Variants in KAT7 observed in about 807,000 individuals in gnomAD.
The protein encoded by KAT7 is histone acetyltransferase KAT7.
KAT7 carries 10 observed loss-of-function variants against 82.1 expected under a neutral mutation model. The observed-to-expected ratio is 0.12, with a 90% CI of 0.08 to 0.21. The LOEUF (loss-of-function observed/expected upper bound fraction) is 0.21, where lower values mean the gene tolerates loss of function less well. Among genes scored for constraint, KAT7 ranks in the 10% least tolerant of loss-of-function variants. The pLI is 1.00. For missense variants in KAT7, 378 were observed against 760.9 expected, an observed-to-expected ratio of 0.50 and a Z score of 5.92; for synonymous variants, 250 against 262.5, an observed-to-expected ratio of 0.95 and a Z score of 0.46.
intron 4 of KAT7, among the ~76,000 whole-genome samples, chr17:49,798,934 G>A (rs778158587): frequency 6.6e-6 from 1 of 152,168 alleles, no homozygotes; most frequent in African/African-American, 2.4e-5. Context: ...GTGGTTGCAC[G>A]GCCATAGCTG....
At chr17:49,788,935 TG>T in intron 1 of KAT7, 86 bp downstream of exon 1, 1 of 1,301,170 alleles carries the variant, frequency 7.7e-7, no homozygotes, top group Non-Finnish European at 1.0e-6. Context: ...TCACAGTGCT[TG>T]GGTCCCAACT....
chr17:49,818,276 A>G (rs558525453), intron 9 of KAT7, among the ~76,000 whole-genome samples: 7 of 152,248 alleles, frequency 4.6e-5, no homozygotes, highest in African/African-American at 1.7e-4. Context: ...CTTGCTGCCT[A>G]CTGCTCTTCA....
chr17:49,797,822 C>T (rs1310899967), intron 3 of KAT7, among the ~76,000 whole-genome samples: 2 of 152,192 alleles, frequency 1.3e-5, no homozygotes, highest in Non-Finnish European at 2.9e-5. Context: ...CCTTGCTGAG[C>T]CCCTGTAGGC....
intron 8 of KAT7, 118 bp downstream of exon 8, chr17:49,816,031 T>G: frequency 1.6e-6 from 1 of 632,726 alleles, no homozygotes; most frequent in South Asian, 1.9e-5. Flanking sequence ...TGGAATCTCT[T>G]TCCCTGTCTC....
Position 49,832,765 on chromosome 17 carries a change from A to G in KAT7, c.*5263A>G, listed in dbSNP as rs977398267. On this transcript the variant is annotated 3_prime_UTR_variant, in exon 15 of 15. Coordinates refer to ENST00000259021, the MANE Select transcript of KAT7 (RefSeq NM_007067.5). ...TCTCACAGGTGCACATATGTACAGC[A>G]TATCAAAGTGTTGAATGTCATGAGA... is the stretch of plus-strand genomic sequence containing the variant. The G allele has an allele frequency of 2.0e-5, 3 of 152,374 alleles. No individual in the cohort carries two copies. The East Asian group carries it at 5.8e-4, about 29-fold the overall frequency. 9.4% of individuals were successfully genotyped at this position (152,374 alleles called of 1,614,324 possible).
chr17:49,788,932 G>T, intron 1 of KAT7, 83 bp downstream of exon 1: 1 of 1,315,704 alleles, frequency 7.6e-7, no homozygotes, highest in Admixed American at 2.6e-5. Context: ...GCCTCACAGT[G>T]CTTGGGTCCC....
In KAT7 at chr17:49,791,869, G is replaced by A; in HGVS notation, c.16-17G>A. 1 of 1,612,654 alleles carries A rather than the reference G, an allele frequency of 6.2e-7. No individual in the cohort carries two copies. On this transcript the variant is annotated splice_polypyrimidine_tract_variant and intron_variant, in intron 1 of 14. Coordinates refer to ENST00000259021, the MANE Select transcript of KAT7 (RefSeq NM_007067.5). ...CCAAATGCTTCTGTGCTAATATCTG[G>A]ATCTATGGTATTACAGAGGAATGCA... is the stretch of plus-strand genomic sequence containing the variant.
intron 1 of KAT7, among the ~76,000 whole-genome samples, chr17:49,791,324 A>G (rs1234348572): frequency 6.6e-6 from 1 of 152,166 alleles, no homozygotes; most frequent in Non-Finnish European, 1.5e-5. Flanking sequence ...TGATCTCCAA[A>G]TGGTCTTGGT....
intron 2 of KAT7, among the ~76,000 whole-genome samples, chr17:49,794,654 G>A (rs1177369350): frequency 6.6e-6 from 1 of 152,202 alleles, no homozygotes; most frequent in African/African-American, 2.4e-5. Flanking sequence ...TGTTATTCTC[G>A]GCAGATGGAA....
Position 49,791,969 on chromosome 17 carries a change from T to C in KAT7, c.99T>C (p.Asp33=), listed in dbSNP as rs568955822. 4.3e-6 allele frequency: 7 copies of C among 1,614,202 alleles called. 1 individual carries two copies. The East Asian group carries it at 8.9e-5, about 21-fold the overall frequency. ...AGCACACAGACAGTTCAGAAAGTGA[T>C]GGCACATCCCGACGATCTGCTCGAG... is the stretch of plus-strand genomic sequence containing the variant. ...DLEHTDSSES[D]GTSRRSARVT... Residue 33 remains aspartate (D), a synonymous_variant, in exon 2 of 15, where the codon GAT becomes GAC. Coordinates refer to ENST00000259021, the MANE Select transcript of KAT7 (RefSeq NM_007067.5).
At chr17:49,788,968 T>C (rs1598044352) in intron 1 of KAT7, 119 bp downstream of exon 1, 1 of 925,240 alleles carries the variant, frequency 1.1e-6, no homozygotes, top group East Asian at 3.1e-5. Flanking sequence ...CGAACCTTGT[T>C]CAGCTACCCT....
chr17:49,814,972 G>A (rs915717094), intron 7 of KAT7: 1 of 152,122 alleles, frequency 6.6e-6, no homozygotes, highest in African/African-American at 2.4e-5. Flanking sequence ...GATGGGAGGT[G>A]GAGCCTACAA....
At chr17:49,792,981 T>C (rs780797740) in intron 2 of KAT7, among the ~76,000 whole-genome samples, 14 of 152,064 alleles carry the variant, frequency 9.2e-5, no homozygotes, top group Admixed American at 3.3e-4. Flanking sequence ...CTAGCTAGTT[T>C]TCTTTGTTTT....
chr17:49,788,706 C>G lies in KAT7; in HGVS notation c.-129C>G, dbSNP rs896093981. On this transcript the variant is annotated 5_prime_UTR_variant, in exon 1 of 15. Coordinates refer to ENST00000259021, the MANE Select transcript of KAT7 (RefSeq NM_007067.5). Reference sequence around the variant, plus strand: ...GCAGAACGCTCCAGACGCTGAGAGGCAGGAGGCACTAGGGATCGTCCGCAG... The same window carrying G: ...GCAGAACGCTCCAGACGCTGAGAGGGAGGAGGCACTAGGGATCGTCCGCAG... 1 of 992,972 alleles carries G rather than the reference C, an allele frequency of 1.0e-6. No individual in the cohort carries two copies. Among genetic ancestry groups the G allele is most frequent in the Non-Finnish European group, 1.4e-6 (1 of 696,364 alleles). The allele number at this position is 992,972 out of a possible 1,614,324, so 61.5% of individuals were successfully genotyped here.
intron 1 of KAT7, chr17:49,789,176 T>G (rs1598044734): frequency 8.3e-6 from 2 of 240,544 alleles, no homozygotes; most frequent in Non-Finnish European, 1.6e-5. Flanking sequence ...GCGGGGGCGG[T>G]GTCTGGCCCC....
chr17:49,825,641 C>T (rs1031532608), intron 12 of KAT7, among the ~76,000 whole-genome samples: 3 of 152,198 alleles, frequency 2.0e-5, no homozygotes, highest in Admixed American at 1.3e-4. Flanking sequence ...CTATTACTCT[C>T]TTCCTGTTCT....
chr17:49,792,840 T>C (rs1038675388), intron 2 of KAT7, among the ~76,000 whole-genome samples: 12 of 152,168 alleles, frequency 7.9e-5, no homozygotes, highest in Admixed American at 2.0e-4. Flanking sequence ...GACAGGGTCT[T>C]GTGCTCTGTT....
At chr17:49,792,075 G>A in intron 2 of KAT7, 42 bp downstream of exon 2, 2 of 1,591,594 alleles carry the variant, frequency 1.3e-6, no homozygotes, top group Non-Finnish European at 1.7e-6. Context: ...CTCACATCTG[G>A]CTGACTGGCC....
In KAT7 at chr17:49,831,478, T is replaced by C. The variant is rs2074424472; in HGVS notation, c.*3976T>C. 1.3e-5 allele frequency: 2 copies of C among 152,154 alleles called. No individual in the cohort carries two copies. Among genetic ancestry groups the C allele is most frequent in the African/African-American group, 4.8e-5 (2 of 41,420 alleles). 9.4% of individuals were successfully genotyped at this position (152,154 alleles called of 1,614,324 possible). ...CCACAGCACAGTAAGGTGGATATTA[T>C]AGTCTTCTTCTAGATGAAAAATTGA... On this transcript the variant is annotated 3_prime_UTR_variant, in exon 15 of 15. Coordinates refer to ENST00000259021, the MANE Select transcript of KAT7 (RefSeq NM_007067.5).
Sources: allele counts gnomAD v4.1 joint callset (sites outside exome capture counted in the v4.1 genomes callset), GRCh38; gene constraint gnomAD v4.1.1; transcripts MANE v1.5; gene names NCBI Gene and HGNC (gene_info 2026-07-23, HGNC 2026-07-21).